Variants in ADAM12 observed in about 807,000 individuals in gnomAD.
ADAM12 encodes disintegrin and metalloproteinase domain-containing protein 12.
A neutral mutation model predicts 106.4 loss-of-function variants in ADAM12; 70 were observed. The observed-to-expected ratio is 0.66, with a 90% confidence interval of 0.54 to 0.80. The LOEUF (loss-of-function observed/expected upper bound fraction) is 0.80. Ranked by LOEUF, ADAM12 falls within the 30% of genes least tolerant of loss-of-function variation. ADAM12 has a pLI of 0.00. For synonymous variants in ADAM12, 420 were observed against 433.5 expected (o/e 0.97, Z 0.39); for missense variants, 1,010 against 1,171.9 (o/e 0.86, Z 2.02).
At chr10:126,054,978 A>G (rs1014889553) in intron 14 of ADAM12, among the ~76,000 whole-genome samples, 6 of 152,110 alleles carry the variant, frequency 3.9e-5, no homozygotes, top group Admixed American at 3.9e-4. Context: ...TCTCCCTCAC[A>G]CTTCATGGTC....
chr10:126,197,635 C>G (rs1289785720), intron 3 of ADAM12, among the ~76,000 whole-genome samples: 2 of 152,220 alleles, frequency 1.3e-5, no homozygotes, highest in Admixed American at 6.5e-5. Flanking sequence ...GGTTGAGCAT[C>G]TGAGGACACA....
intron 5 of ADAM12, among the ~76,000 whole-genome samples, chr10:126,121,502 A>C (rs1039908700): frequency 7.2e-6 from 1 of 138,272 alleles, no homozygotes. Context: ...AATATATAAT[A>C]TAATAGAAAA....
Position 126,217,904 on chromosome 10 carries a change from G to C in ADAM12, c.260+61011C>G, listed in dbSNP as rs144717647. Reference sequence around the variant, plus strand: ...GCAGGAGAATTGCTTGAACCCGGGAGGTAGAGGTTGTAGTGAGCCAAGATC... The same window carrying C: ...GCAGGAGAATTGCTTGAACCCGGGACGTAGAGGTTGTAGTGAGCCAAGATC... On this transcript the variant is annotated intron_variant, in intron 3 of 22. Transcript: ENST00000448723. Among the ~76,000 whole-genome samples, 1,311 of 151,636 alleles carry C rather than the reference G, an allele frequency of 8.6e-3. 26 individuals carry two copies. The highest frequency in any genetic ancestry group is 0.031 in the African/African-American group (1,262 of 41,374).
intron 3 of ADAM12, among the ~76,000 whole-genome samples, chr10:126,239,965 C>T (rs903754415): frequency 1.3e-5 from 2 of 152,184 alleles, no homozygotes; most frequent in Non-Finnish European, 2.9e-5. Flanking sequence ...TGTCCACTGC[C>T]GTGCCCCCTG....
intron 2 of ADAM12, among the ~76,000 whole-genome samples, chr10:126,296,040 C>T (rs1960366794): frequency 6.6e-6 from 1 of 152,152 alleles, no homozygotes; most frequent in African/African-American, 2.4e-5. Flanking sequence ...CCATGAAGGG[C>T]AGTAACTGGA....
At chr10:126,350,736 T>C (rs1012729286) in intron 1 of ADAM12, among the ~76,000 whole-genome samples, 2 of 152,184 alleles carry the variant, frequency 1.3e-5, no homozygotes, top group Non-Finnish European at 2.9e-5. Flanking sequence ...TGCAGGAAGT[T>C]TGATTCATCC....
At chr10:126,248,367 G>C (rs1565165700) in intron 3 of ADAM12, among the ~76,000 whole-genome samples, 1 of 152,118 alleles carries the variant, frequency 6.6e-6, no homozygotes, top group Non-Finnish European at 1.5e-5. Context: ...AACCATTTTT[G>C]TCTCTCCTTA....
chr10:126,214,293 A>G (rs1481416019), intron 3 of ADAM12, among the ~76,000 whole-genome samples: 1 of 152,210 alleles, frequency 6.6e-6, no homozygotes, highest in Non-Finnish European at 1.5e-5. Context: ...GAGTTAGTCA[A>G]GTCCCTCCCC....
At chr10:126,337,551 T>C (rs1180736626) in intron 1 of ADAM12, among the ~76,000 whole-genome samples, 2 of 152,218 alleles carry the variant, frequency 1.3e-5, no homozygotes, top group Non-Finnish European at 2.9e-5. Flanking sequence ...CCAGCTGTGC[T>C]GGCAGCACAT....
intron 9 of ADAM12, among the ~76,000 whole-genome samples, chr10:126,098,877 G>T (rs771915955): frequency 8.5e-5 from 13 of 152,170 alleles, no homozygotes; most frequent in Non-Finnish European, 1.8e-4. Flanking sequence ...TGCATTAGAT[G>T]GTTTACTAGA....
chr10:126,083,454 A>G (rs113486703), intron 11 of ADAM12, among the ~76,000 whole-genome samples: 215 of 152,344 alleles, frequency 1.4e-3, no homozygotes, highest in African/African-American at 4.8e-3. Flanking sequence ...TGCCAGCAGC[A>G]GTAGTATCCA....
intron 20 of ADAM12, among the ~76,000 whole-genome samples, chr10:126,037,522 TA>T (rs1396840762): frequency 3.3e-5 from 5 of 152,328 alleles, no homozygotes; most frequent in African/African-American, 1.2e-4. Context: ...TTCAATCACT[TA>T]TTTTTTTTGA....
rs141755519 is a variant in ADAM12, at chr10:126,167,317, T to G, written c.261-12012A>C. ...AGGCATTTTGACTTCAGAGCTCTTA[T>G]TGCTATACTTATACAACTTCTATTT... On this transcript the variant is annotated intron_variant, in intron 3 of 22. Transcript: ENST00000448723. 3.3e-3 allele frequency among the ~76,000 whole-genome samples: 505 copies of G among 152,348 alleles called. 2 individuals are homozygous for G. The highest frequency in any genetic ancestry group is 0.012 in the African/African-American group (479 of 41,566).
chr10:126,284,402 G>C (rs115330629), intron 2 of ADAM12, among the ~76,000 whole-genome samples: 2,121 of 144,672 alleles, frequency 0.015, 50 homozygotes, highest in African/African-American at 0.051. Context: ...GTGGAGATCT[G>C]TTTCTGAGCT....
intron 12 of ADAM12, among the ~76,000 whole-genome samples, chr10:126,067,452 A>C (rs1954895065): frequency 6.6e-6 from 1 of 152,228 alleles, no homozygotes; most frequent in Non-Finnish European, 1.5e-5. Context: ...TTTGCGAGGG[A>C]TTTAAATGGA....
Position 126,013,217 on chromosome 10 carries a change from A to G in ADAM12, c.*4062T>C, listed in dbSNP as rs1953599967. 6.6e-6 allele frequency: 1 copy of G among 152,238 alleles called. No homozygotes were observed. 9.4% of individuals were successfully genotyped at this position (152,238 alleles called of 1,614,324 possible). A position where few individuals can be genotyped will look rare whatever the true frequency, so the allele number is the denominator to read the frequency against. ...AAGTAAAGGGGATTTTCTCTACAAA[A>G]GGAAAGAAAATGGCACATTCACATG... On this transcript the variant is annotated 3_prime_UTR_variant, in exon 23 of 23. Coordinates refer to ENST00000448723, the MANE Select transcript of ADAM12 (RefSeq NM_001288973.2). The surrounding 1 kb of genome is among the most constrained non-coding windows in gnomAD (Gnocchi z 4.3).
At chr10:126,336,947 G>A (rs1230650273) in intron 1 of ADAM12, among the ~76,000 whole-genome samples, 1 of 152,222 alleles carries the variant, frequency 6.6e-6, no homozygotes, top group Non-Finnish European at 1.5e-5. Flanking sequence ...CTTGGTGAGT[G>A]GAGCTGGGCT....
chr10:126,038,706 A>G (rs895590616), intron 19 of ADAM12, among the ~76,000 whole-genome samples: 3 of 152,188 alleles, frequency 2.0e-5, no homozygotes, highest in African/African-American at 7.2e-5. Flanking sequence ...TGTTGTATAA[A>G]AATTACTAAT....
chr10:126,342,940 T>A (rs917087833), intron 1 of ADAM12, among the ~76,000 whole-genome samples: 12 of 151,718 alleles, frequency 7.9e-5, no homozygotes, highest in Non-Finnish European at 1.5e-4. Context: ...ATGGGCAGGG[T>A]TCCCTCCTCC....
Sources: allele counts gnomAD v4.1 joint callset (sites outside exome capture counted in the v4.1 genomes callset), GRCh38; gene constraint gnomAD v4.1.1; non-coding constraint Gnocchi (gnomAD v3.1); transcripts MANE v1.5; gene names NCBI Gene and HGNC (gene_info 2026-07-23, HGNC 2026-07-21).